FRYL: variants seen among roughly 807,000 people sequenced by gnomAD.
FRYL encodes the protein FRY like transcription coactivator.
Under a neutral mutation model 351.2 loss-of-function variants are expected in FRYL, and 150 were observed. The observed-to-expected ratio is 0.43, with a 90% confidence interval of 0.37 to 0.49. The LOEUF (loss-of-function observed/expected upper bound fraction) is 0.49. Among genes scored for constraint, FRYL ranks in the 20% least tolerant of loss-of-function variants. The pLI, the probability that FRYL is intolerant of heterozygous loss-of-function variation, is 0.00. For synonymous variants in FRYL, 1,153 were observed against 1,257.1 expected (o/e 0.92, Z 1.75); for missense variants, 3,036 against 3,619.3 (o/e 0.84, Z 4.13).
intron 55 of FRYL, among the ~76,000 whole-genome samples, 169 bp downstream of exon 55, chr4:48,520,879 C>T (rs1724764483): frequency 1.3e-5 from 2 of 152,124 alleles, no homozygotes; most frequent in South Asian, 2.1e-4. Flanking sequence ...CCTTAATCTA[C>T]CAACTTAAGA....
chr4:48,584,547 C>T (rs961432476), intron 19 of FRYL, among the ~76,000 whole-genome samples: 1 of 152,116 alleles, frequency 6.6e-6, no homozygotes, highest in African/African-American at 2.4e-5. Flanking sequence ...ATAGCGGCAC[C>T]AGGAGATACA....
At chr4:48,566,013 C>T (rs1363812272) in intron 28 of FRYL, among the ~76,000 whole-genome samples, 1 of 152,156 alleles carries the variant, frequency 6.6e-6, no homozygotes, top group East Asian at 1.9e-4. Flanking sequence ...CTATCACTGG[C>T]TATATGGTAA....
chr4:48,744,786 A>G (rs1358255675), intron 1 of FRYL, among the ~76,000 whole-genome samples: 3 of 152,226 alleles, frequency 2.0e-5, no homozygotes, highest in Non-Finnish European at 2.9e-5. Context: ...TGTATTTACC[A>G]TATTTGCGCT....
chr4:48,572,439 A>C (rs1346471702), intron 26 of FRYL, among the ~76,000 whole-genome samples: 1 of 152,252 alleles, frequency 6.6e-6, no homozygotes, highest in African/African-American at 2.4e-5. Flanking sequence ...AAAAATTTGC[A>C]ATTTCAAAAT....
At chr4:48,618,021 C>CA (rs1263689863) in intron 7 of FRYL, 2 of 152,224 alleles carry the variant, frequency 1.3e-5, no homozygotes, top group East Asian at 3.8e-4. Flanking sequence ...GAGCAGTAGT[C>CA]AGAGTCCATT....
intron 2 of FRYL, among the ~76,000 whole-genome samples, chr4:48,702,760 CA>C (rs34250320): frequency 4.3e-4 from 4 of 9,326 alleles, no homozygotes; most frequent in African/African-American, 1.2e-3. Flanking sequence ...GACTCCGTCT[CA>C]AAAAAAAAAA....
In FRYL at chr4:48,550,588, T is replaced by C. The variant is rs1189127874; in HGVS notation, c.4633+4A>G. ...TTATATTAAAAACATTTGGAATTTATTACTTTTTTCTTCTTCATAAGATCC... is the reference window on the plus strand; with the variant it reads ...TTATATTAAAAACATTTGGAATTTACTACTTTTTTCTTCTTCATAAGATCC... On this transcript the variant is annotated splice_donor_region_variant and intron_variant, in intron 38 of 63. Transcript: ENST00000358350. 1 of 1,557,718 alleles carries C rather than the reference T, an allele frequency of 6.4e-7. No homozygotes were observed. The highest frequency in any genetic ancestry group is 1.4e-5 in the African/African-American group (1 of 73,852).
Position 48,547,627 on chromosome 4 carries a change from C to T in FRYL, c.5031G>A (p.Val1677=), listed in dbSNP as rs1731643218. 6.3e-7 allele frequency: 1 copy of T among 1,593,496 alleles called. No homozygotes were observed. ...AGTGTGCAACTTGTTTGACTGTAAG[C>T]ACCCTGGGCTCATTAAACTCCTTGT... ...LRNKEFNEPR[V]LTVKQVAHLD... Residue 1677 remains valine (V), a synonymous_variant, in exon 41 of 64, where the codon GTG becomes GTA. Coordinates refer to ENST00000358350, the MANE Select transcript of FRYL (RefSeq NM_015030.2).
intron 1 of FRYL, among the ~76,000 whole-genome samples, chr4:48,749,230 A>G (rs1480567640): frequency 1.3e-5 from 2 of 152,194 alleles, no homozygotes; most frequent in African/African-American, 4.8e-5. Context: ...TGAAACTAAC[A>G]GAGAAGCACA....
At chr4:48,529,877 C>T (rs923445378) in intron 50 of FRYL, among the ~76,000 whole-genome samples, 1 of 152,158 alleles carries the variant, frequency 6.6e-6, no homozygotes, top group Non-Finnish European at 1.5e-5. Flanking sequence ...TAATATACAG[C>T]ATAGCCAGGC....
intron 4 of FRYL, among the ~76,000 whole-genome samples, chr4:48,631,945 CAGG>C (rs1336759281): frequency 2.0e-5 from 3 of 148,712 alleles, no homozygotes; most frequent in Non-Finnish European, 3.0e-5. Flanking sequence ...CTCAGCTACT[CAGG>C]AGATTGGGGT....
Position 48,547,747 on chromosome 4 carries a change from C to A in FRYL, c.4911G>T (p.Glu1637Asp). 1.3e-6 allele frequency: 2 copies of A among 1,534,946 alleles called. No homozygotes were observed. The highest frequency in any genetic ancestry group is 1.8e-6 in the Non-Finnish European group (2 of 1,129,744). Reference sequence around the variant, plus strand: ...GCAGGCGTTTACAATGTTCATACACCTCAGGGTGGCAGTGGTCAAACCCTA... The same window carrying A: ...GCAGGCGTTTACAATGTTCATACACATCAGGGTGGCAGTGGTCAAACCCTA... ...IFIGFDHCHP[E>D]VYEHCKRLLL... The change falls in exon 41 of 64, where the codon GAG (glutamate) becomes GAT (aspartate). Residue 1637 changes from glutamate to aspartate, a missense_variant. By Grantham distance (45) the Glu-to-Asp change is conservative. Coordinates refer to ENST00000358350, the MANE Select transcript of FRYL (RefSeq NM_015030.2).
intron 1 of FRYL, among the ~76,000 whole-genome samples, chr4:48,725,110 G>T (rs1398297938): frequency 6.6e-6 from 1 of 152,160 alleles, no homozygotes; most frequent in East Asian, 1.9e-4. Flanking sequence ...TTAGAAAGGG[G>T]TCTCACCCTT....
At chr4:48,610,817 GTATACACTCAATATGTATACATA>G (rs986600597) in intron 7 of FRYL, among the ~76,000 whole-genome samples, 3 of 144,844 alleles carry the variant, frequency 2.1e-5, no homozygotes, top group African/African-American at 7.6e-5. Flanking sequence ...ATGTATATAT[GTATACACTCAATATGTATACATA>G]TATACACTCA....
chr4:48,589,904 A>C (rs1742888654), intron 17 of FRYL, 27 bp from the exon 18 acceptor site: 1 of 1,551,994 alleles, frequency 6.4e-7, no homozygotes, highest in African/African-American at 1.4e-5. Context: ...CACAGTTATA[A>C]AATATCTGAA....
chr4:48,541,942 A>T (rs1305507358), intron 45 of FRYL, 85 bp downstream of exon 45: 3 of 920,710 alleles, frequency 3.3e-6, no homozygotes, highest in African/African-American at 1.6e-5. Flanking sequence ...GCTTACTAAC[A>T]ATATTAGAAT....
chr4:48,645,407 A>G (rs1378904373), intron 3 of FRYL, among the ~76,000 whole-genome samples: 3 of 152,036 alleles, frequency 2.0e-5, no homozygotes, highest in Non-Finnish European at 2.9e-5. Flanking sequence ...CAAAAATGGC[A>G]AAGGATGGGC....
chr4:48,625,090 G>C (rs1422089562), intron 4 of FRYL, among the ~76,000 whole-genome samples: 2 of 152,142 alleles, frequency 1.3e-5, no homozygotes, highest in African/African-American at 2.4e-5. Flanking sequence ...TCTGACTGCA[G>C]ATTTTGGGAC....
intron 3 of FRYL, among the ~76,000 whole-genome samples, chr4:48,663,086 A>T (rs1761092950): frequency 6.6e-6 from 1 of 152,062 alleles, no homozygotes; most frequent in Admixed American, 6.5e-5. Context: ...TTTGTTTCTC[A>T]TTTTAAATGT....
Sources: gnomAD v4.1 joint callset for allele counts (sites outside exome capture counted in the v4.1 genomes callset) on GRCh38, gnomAD v4.1.1 for gene constraint, MANE v1.5 for transcripts, NCBI Gene and HGNC (gene_info 2026-07-23, HGNC 2026-07-21) for gene names.